Variants in GRIP1 observed in about 807,000 individuals in gnomAD.
GRIP1 encodes glutamate receptor interacting protein 1.
A neutral mutation model predicts 129.9 loss-of-function variants in GRIP1; 45 were observed. The ratio of observed to expected loss-of-function variants is 0.35; its 90% confidence interval spans 0.27 to 0.44. The LOEUF (loss-of-function observed/expected upper bound fraction) is 0.44. Ranked by LOEUF, GRIP1 falls within the 20% of genes least tolerant of loss-of-function variation. The pLI is 1.00. For synonymous variants in GRIP1, 530 were observed against 520.8 expected (o/e 1.02, Z -0.24); for missense variants, 1,196 against 1,396.8 (o/e 0.86, Z 2.29).
At chr12:66,361,905 C>G (rs1042169741) in intron 23 of GRIP1, among the ~76,000 whole-genome samples, 2 of 152,140 alleles carry the variant, frequency 1.3e-5, no homozygotes, top group African/African-American at 4.8e-5. Context: ...ACCCTCCACC[C>G]ACCCTCGGGG....
chr12:66,853,734 G>A (rs1441651952), intron 1 of GRIP1, among the ~76,000 whole-genome samples: 1 of 152,046 alleles, frequency 6.6e-6, no homozygotes, highest in Non-Finnish European at 1.5e-5. Flanking sequence ...ATTCTAATAA[G>A]AGAACCCTTA....
At chr12:66,867,900 A>G (rs915763201) in intron 1 of GRIP1, among the ~76,000 whole-genome samples, 1 of 152,190 alleles carries the variant, frequency 6.6e-6, no homozygotes, top group African/African-American at 2.4e-5. Context: ...AATCTTCTAT[A>G]GAAAGACGTG....
At chr12:66,890,126 A>G (rs2137228254) in intron 1 of GRIP1, among the ~76,000 whole-genome samples, 1 of 152,202 alleles carries the variant, frequency 6.6e-6, no homozygotes, top group Admixed American at 6.5e-5. Context: ...ACAGGGTCTC[A>G]CTATGTTACT....
intron 2 of GRIP1, among the ~76,000 whole-genome samples, chr12:66,581,807 G>A (rs138561300): frequency 6.6e-6 from 1 of 152,122 alleles, no homozygotes; most frequent in African/African-American, 2.4e-5. Context: ...TGGATTCACA[G>A]CCGAATTCTA....
chr12:66,454,558 T>C (rs529643244), intron 11 of GRIP1, among the ~76,000 whole-genome samples: 7 of 152,312 alleles, frequency 4.6e-5, no homozygotes, highest in African/African-American at 1.7e-4. Flanking sequence ...ACGATAAATG[T>C]AGGAGTGATT....
chr12:66,588,612 G>A (rs961542641), intron 2 of GRIP1, among the ~76,000 whole-genome samples: 1 of 151,980 alleles, frequency 6.6e-6, no homozygotes, highest in African/African-American at 2.4e-5. Flanking sequence ...ATTTAACTGG[G>A]GTTTATCCAA....
At chr12:66,745,635 G>C (rs1305976864) in intron 1 of GRIP1, among the ~76,000 whole-genome samples, 2 of 152,164 alleles carry the variant, frequency 1.3e-5, no homozygotes, top group Admixed American at 1.3e-4. Flanking sequence ...ATTTCACAGA[G>C]CAAGTAGAAG....
At chr12:66,863,281 G>C (rs2137123694) in intron 1 of GRIP1, among the ~76,000 whole-genome samples, 1 of 152,254 alleles carries the variant, frequency 6.6e-6, no homozygotes, top group South Asian at 2.1e-4. Flanking sequence ...GTAACACACT[G>C]TCCTAGGTGC....
chr12:66,712,118 A>G (rs2035731448), intron 1 of GRIP1, among the ~76,000 whole-genome samples: 1 of 151,984 alleles, frequency 6.6e-6, no homozygotes, highest in Non-Finnish European at 1.5e-5. Context: ...ACGTTTCTTA[A>G]CATTCAATGA....
intron 1 of GRIP1, among the ~76,000 whole-genome samples, chr12:66,998,852 T>C (rs1347895362): frequency 6.6e-6 from 1 of 152,182 alleles, no homozygotes; most frequent in Non-Finnish European, 1.5e-5. Context: ...TCCTCTTTAC[T>C]GAATTGTGCC....
intron 1 of GRIP1, among the ~76,000 whole-genome samples, chr12:66,861,597 A>C (rs1353498801): frequency 6.6e-6 from 1 of 152,122 alleles, no homozygotes; most frequent in Non-Finnish European, 1.5e-5. Flanking sequence ...GGCCATGGAG[A>C]ACAAAGAACT....
At chr12:66,795,822 C>G (rs6581718) in intron 1 of GRIP1, among the ~76,000 whole-genome samples, 9,489 of 152,006 alleles carry the variant, frequency 0.062, 1,002 homozygotes, top group African/African-American at 0.22. Flanking sequence ...CTTGGACATA[C>G]AAAAGCCATT....
chr12:66,775,135 C>A (rs1287342691), intron 1 of GRIP1, among the ~76,000 whole-genome samples: 2 of 152,138 alleles, frequency 1.3e-5, no homozygotes, highest in Non-Finnish European at 2.9e-5. Context: ...TTAAAGGATG[C>A]ATCTGTGCTC....
At chr12:66,447,812 T>C (rs566427352) in intron 11 of GRIP1, among the ~76,000 whole-genome samples, 2 of 152,234 alleles carry the variant, frequency 1.3e-5, no homozygotes, top group Non-Finnish European at 2.9e-5. Context: ...GCTTCTGCCT[T>C]CACCATTTAC....
intron 5 of GRIP1, among the ~76,000 whole-genome samples, chr12:66,526,158 C>A (rs994140086): frequency 6.6e-6 from 1 of 151,220 alleles, no homozygotes; most frequent in African/African-American, 2.4e-5. Flanking sequence ...TGACTTTCTT[C>A]ACAGAATTGG....
intron 1 of GRIP1, among the ~76,000 whole-genome samples, chr12:66,781,247 A>G (rs909780655): frequency 4.6e-5 from 7 of 152,222 alleles, no homozygotes; most frequent in Admixed American, 2.0e-4. Flanking sequence ...TTGGGGTAGC[A>G]CAATCAATTT....
At chr12:66,833,319 G>T (rs1169255262) in intron 1 of GRIP1, among the ~76,000 whole-genome samples, 2 of 152,150 alleles carry the variant, frequency 1.3e-5, no homozygotes, top group Admixed American at 1.3e-4. Flanking sequence ...GGTTGAATTT[G>T]CTTTTCTTCA....
At chr12:66,696,105 T>C (rs765771353) in intron 1 of GRIP1, among the ~76,000 whole-genome samples, 3 of 152,138 alleles carry the variant, frequency 2.0e-5, no homozygotes, top group Non-Finnish European at 4.4e-5. Flanking sequence ...AGCTAATGAT[T>C]AGCAAAATTA....
chr12:66,744,728 G>C (rs1391022849), intron 1 of GRIP1, among the ~76,000 whole-genome samples: 2 of 152,028 alleles, frequency 1.3e-5, no homozygotes, highest in Non-Finnish European at 2.9e-5. Context: ...CTCATTCTCT[G>C]TATACAACCC....
Sources: allele counts gnomAD v4.1 joint callset (sites outside exome capture counted in the v4.1 genomes callset), GRCh38; gene constraint gnomAD v4.1.1; transcripts MANE v1.5; gene names NCBI Gene and HGNC (gene_info 2026-07-23, HGNC 2026-07-21).